The following PPP1R13B variants were observed in gnomAD, a reference collection of about 807,000 sequenced individuals.
The protein encoded by PPP1R13B is protein phosphatase 1 regulatory subunit 13B.
Under a neutral mutation model 119.8 loss-of-function variants are expected in PPP1R13B, and 44 were observed. The observed-to-expected ratio is 0.37, with a 90% CI of 0.29 to 0.47. PPP1R13B has a LOEUF of 0.47. Among genes scored for constraint, PPP1R13B ranks in the 20% least tolerant of loss-of-function variants. The pLI is 0.99. For synonymous variants in PPP1R13B, 542 were observed against 561.5 expected (o/e 0.97, Z 0.49); for missense variants, 1,227 against 1,413.5 (o/e 0.87, Z 2.12).
At chr14:103,754,003 T>C in intron 6 of PPP1R13B, 67 bp downstream of exon 6, 1 of 1,534,272 alleles carries the variant, frequency 6.5e-7, no homozygotes, top group Non-Finnish European at 8.8e-7. Flanking sequence ...TGTCAGGCAG[T>C]TAGACTATGT....
intron 1 of PPP1R13B, among the ~76,000 whole-genome samples, chr14:103,835,901 C>T (rs1324428645): frequency 1.3e-5 from 2 of 151,908 alleles, no homozygotes; most frequent in Non-Finnish European, 2.9e-5. Flanking sequence ...AGCCACTGTG[C>T]CTGGCCTTTA....
At chr14:103,844,452 G>A (rs944358858) in intron 1 of PPP1R13B, among the ~76,000 whole-genome samples, 7 of 151,994 alleles carry the variant, frequency 4.6e-5, no homozygotes, top group African/African-American at 9.7e-5. Context: ...CCACATGGCC[G>A]GGCGCAGTGG....
At chr14:103,797,088 A>T (rs1259042694) in intron 2 of PPP1R13B, among the ~76,000 whole-genome samples, 19 of 150,062 alleles carry the variant, frequency 1.3e-4, no homozygotes, top group African/African-American at 4.6e-4. Context: ...ACAGAGTGAG[A>T]TACTGTCTCA....
chr14:103,803,088 G>C (rs949345686), intron 1 of PPP1R13B, among the ~76,000 whole-genome samples: 2 of 152,116 alleles, frequency 1.3e-5, no homozygotes, highest in Non-Finnish European at 2.9e-5. Flanking sequence ...ATTCTAGTAA[G>C]ATTTCTTCAG....
chr14:103,740,121 G>T lies in PPP1R13B; in HGVS notation c.2295C>A (p.Ala765=), dbSNP rs1373449134. The T allele has an allele frequency of 6.2e-7, 1 of 1,613,642 alleles. No homozygotes were observed. Among genetic ancestry groups the T allele is most frequent in the South Asian group, 1.1e-5 (1 of 91,078 alleles). ...GGGGGAGCTCTTCCAGGTTTCCATT[G>T]GCATTGGTGTTTCCATTGTCCACAT... is the stretch of plus-strand genomic sequence containing the variant. The part of the protein sequence containing the change: ...LADVDNGNTN[A]NGNLEELPPA... The change falls in exon 12 of 17, where the codon GCC becomes GCA. Residue 765 remains alanine (A), a synonymous_variant. Transcript: ENST00000202556. The surrounding 1 kb of genome is among the most constrained non-coding windows in gnomAD (Gnocchi z 4.6).
chr14:103,762,750 G>A, intron 4 of PPP1R13B: 1 of 684,966 alleles, frequency 1.5e-6, no homozygotes, highest in East Asian at 2.8e-5. Context: ...GGATGGGGGT[G>A]GAGGCGCTGC....
chr14:103,816,485 G>A (rs1045725404), intron 1 of PPP1R13B, among the ~76,000 whole-genome samples: 2 of 148,082 alleles, frequency 1.4e-5, no homozygotes, highest in East Asian at 2.2e-4. Context: ...TCGGGAGTTC[G>A]AAACCAGCCT....
intron 1 of PPP1R13B, among the ~76,000 whole-genome samples, chr14:103,843,107 C>T (rs1288869792): frequency 6.6e-6 from 1 of 152,086 alleles, no homozygotes. Flanking sequence ...TGCGGTGGCT[C>T]ACGCCTGTAA....
At chr14:103,777,707 GA>G (rs1330905881) in intron 4 of PPP1R13B, among the ~76,000 whole-genome samples, 1 of 149,428 alleles carries the variant, frequency 6.7e-6, no homozygotes, top group African/African-American at 2.5e-5. Flanking sequence ...ATAATATTTT[GA>G]AATATTCAAT....
intron 1 of PPP1R13B, among the ~76,000 whole-genome samples, chr14:103,830,627 C>G (rs1209683304): frequency 6.6e-6 from 1 of 152,134 alleles, no homozygotes; most frequent in Non-Finnish European, 1.5e-5. Flanking sequence ...ACATACAAAC[C>G]AAGTATTCAT....
At chr14:103,840,301 G>C (rs1387407303) in intron 1 of PPP1R13B, among the ~76,000 whole-genome samples, 1 of 152,144 alleles carries the variant, frequency 6.6e-6, no homozygotes, top group Non-Finnish European at 1.5e-5. Context: ...ACATACAAAC[G>C]CATGTTGACA....
intron 5 of PPP1R13B, among the ~76,000 whole-genome samples, chr14:103,755,580 A>G (rs763770025): frequency 6.6e-6 from 1 of 152,198 alleles, no homozygotes; most frequent in Non-Finnish European, 1.5e-5. Flanking sequence ...ATACACCTAC[A>G]TAGGGAGAGG....
intron 1 of PPP1R13B, 78 bp from the exon 2 acceptor site, chr14:103,797,596 T>TC: frequency 1.1e-6 from 1 of 949,296 alleles, no homozygotes; most frequent in South Asian, 1.8e-5. Flanking sequence ...AAGTGATCCC[T>TC]CTACCCACCC....
At chr14:103,739,118 A>G in intron 12 of PPP1R13B, 95 bp from the exon 13 acceptor site, 1 of 1,510,394 alleles carries the variant, frequency 6.6e-7, no homozygotes, top group Non-Finnish European at 8.9e-7. Flanking sequence ...GCTAAAGCCC[A>G]AAGACAGTGG....
chr14:103,761,983 C>T (rs1007452300), intron 4 of PPP1R13B, among the ~76,000 whole-genome samples: 1 of 152,204 alleles, frequency 6.6e-6, no homozygotes, highest in Non-Finnish European at 1.5e-5. Context: ...CCAAGTGCCT[C>T]AGAGGCAGGG....
chr14:103,820,301 G>C (rs1164218237), intron 1 of PPP1R13B, among the ~76,000 whole-genome samples: 1 of 152,098 alleles, frequency 6.6e-6, no homozygotes. Flanking sequence ...CCACAGAAGA[G>C]GAGAGAAAAT....
chr14:103,767,605 T>C (rs1223384553), intron 4 of PPP1R13B, among the ~76,000 whole-genome samples: 6 of 152,126 alleles, frequency 3.9e-5, no homozygotes, highest in African/African-American at 1.2e-4. Flanking sequence ...TTGCTTAAAA[T>C]CCCACAAGAT....
chr14:103,841,614 A>T (rs181502882), intron 1 of PPP1R13B, among the ~76,000 whole-genome samples: 166 of 152,178 alleles, frequency 1.1e-3, no homozygotes, highest in South Asian at 5.2e-3. Flanking sequence ...AGAAAAAAAA[A>T]TTTTTTTAAA....
At chr14:103,769,470 T>A (rs999433443) in intron 4 of PPP1R13B, among the ~76,000 whole-genome samples, 4 of 151,962 alleles carry the variant, frequency 2.6e-5, no homozygotes, top group Admixed American at 6.6e-5. Flanking sequence ...AAACTCCTAG[T>A]CTCAAGTTAT....
Sources: allele counts gnomAD v4.1 joint callset (sites outside exome capture counted in the v4.1 genomes callset), GRCh38; gene constraint gnomAD v4.1.1; non-coding constraint Gnocchi (gnomAD v3.1); transcripts MANE v1.5; gene names NCBI Gene and HGNC (gene_info 2026-07-23, HGNC 2026-07-21).